The following RGS7BP variants were observed in gnomAD, a reference collection of about 807,000 sequenced individuals.
RGS7BP encodes the protein regulator of G protein signaling 7 binding protein.
A neutral mutation model predicts 31.3 loss-of-function variants in RGS7BP; 9 were observed. That is an observed-to-expected ratio of 0.29 (90% CI 0.17 to 0.50). The LOEUF is 0.50. RGS7BP is among the 20% of genes least tolerant of loss of function. The probability of loss-of-function intolerance (pLI) is 0.98; values close to 1 mark genes in which losing one functional copy is unlikely to be tolerated. For missense variants in RGS7BP, 274 were observed against 322.0 expected (o/e 0.85, Z 1.14); for synonymous variants, 115 against 120.1 (o/e 0.96, Z 0.28).
intron 2 of RGS7BP, among the ~76,000 whole-genome samples, chr5:64,561,745 G>T (rs1751744428): frequency 6.6e-6 from 1 of 152,080 alleles, no homozygotes; most frequent in Admixed American, 6.5e-5. Context: ...CTCACTAAAT[G>T]ATCTTACATA....
At chr5:64,519,602 T>A (rs1219555731) in intron 2 of RGS7BP, among the ~76,000 whole-genome samples, 2 of 152,200 alleles carry the variant, frequency 1.3e-5, no homozygotes, top group Admixed American at 1.3e-4. Flanking sequence ...CATAGCCTCC[T>A]GCCATAGGTA....
chr5:64,552,828 C>G (rs1741827317), intron 2 of RGS7BP, among the ~76,000 whole-genome samples: 1 of 152,208 alleles, frequency 6.6e-6, no homozygotes, highest in Admixed American at 6.5e-5. Context: ...CCTCCTGCCT[C>G]AGCCTCCCAA....
At chr5:64,563,737 C>T (rs1260185668) in intron 2 of RGS7BP, among the ~76,000 whole-genome samples, 2 of 152,084 alleles carry the variant, frequency 1.3e-5, no homozygotes, top group African/African-American at 2.4e-5. Flanking sequence ...GTCATGGCAG[C>T]CCTAGCAAGC....
intron 2 of RGS7BP, among the ~76,000 whole-genome samples, chr5:64,534,306 G>A (rs1385185646): frequency 6.6e-6 from 1 of 152,150 alleles, no homozygotes; most frequent in African/African-American, 2.4e-5. Context: ...GAAGGAGTTA[G>A]CAACCAGCCT....
intron 2 of RGS7BP, among the ~76,000 whole-genome samples, chr5:64,514,623 A>C (rs1748923435): frequency 6.6e-6 from 1 of 152,184 alleles, no homozygotes; most frequent in Non-Finnish European, 1.5e-5. Flanking sequence ...ACTTTTCTTT[A>C]ATCAATTTAA....
chr5:64,571,408 A>G (rs1056214210), intron 2 of RGS7BP, among the ~76,000 whole-genome samples: 3 of 152,156 alleles, frequency 2.0e-5, no homozygotes, highest in Non-Finnish European at 4.4e-5. Context: ...ATTTGTGAAT[A>G]TGTTTTTATT....
chr5:64,600,410 T>A (rs1318332733), intron 5 of RGS7BP, among the ~76,000 whole-genome samples: 2 of 152,220 alleles, frequency 1.3e-5, no homozygotes, highest in Non-Finnish European at 2.9e-5. Flanking sequence ...TTTTATTTGG[T>A]CATTTATAAT....
chr5:64,568,821 T>C (rs1416880781), intron 2 of RGS7BP, among the ~76,000 whole-genome samples: 3 of 151,160 alleles, frequency 2.0e-5, no homozygotes, highest in Non-Finnish European at 2.9e-5. Context: ...TTAAATATAG[T>C]TTTTACTTTT....
rs57191053 is a variant in RGS7BP at position 64,524,377 on chromosome 5, A to C, written c.332+16500A>C. 4.5e-3 allele frequency among the ~76,000 whole-genome samples: 692 copies of C among 152,284 alleles called. 10 individuals are homozygous for C. Among genetic ancestry groups the C allele is most frequent in the African/African-American group, 0.015 (643 of 41,540 alleles). The stretch of plus-strand genomic sequence containing the variant: ...TAAAGTAGTCAAGTGAAAGGGAACT[A>C]AGGTGAAGGAGATTAGGGATCAAGA... On this transcript the variant is annotated intron_variant, in intron 2 of 5. Transcript: ENST00000334025.
At position 64,515,711 on chromosome 5, in the gene RGS7BP, T is replaced by TACACACACAC. The variant is rs140297030; in HGVS notation, c.332+7848_332+7857dup. ...ACATTTAATTACTTGCCTATATGCATACACACACACACACACACACACATA... is the reference window on the plus strand; with the variant it reads ...ACATTTAATTACTTGCCTATATGCATACACACACACACACACACACACACACACACACATA... On this transcript the variant is annotated intron_variant, in intron 2 of 5. Coordinates refer to ENST00000334025, the MANE Select transcript of RGS7BP (RefSeq NM_001029875.3). Among the ~76,000 whole-genome samples, 468 of 148,726 alleles carry TACACACACAC rather than the reference T, an allele frequency of 3.1e-3. No homozygotes were observed. In the Middle Eastern group the frequency reaches 0.067, roughly 21 times the overall value.
chr5:64,592,196 G>C (rs1372204287), intron 3 of RGS7BP, among the ~76,000 whole-genome samples: 1 of 152,084 alleles, frequency 6.6e-6, no homozygotes, highest in Non-Finnish European at 1.5e-5. Flanking sequence ...GATCTTTTCT[G>C]TCTTTTAAGA....
At chr5:64,591,858 T>G (rs1742927132) in intron 3 of RGS7BP, among the ~76,000 whole-genome samples, 1 of 152,166 alleles carries the variant, frequency 6.6e-6, no homozygotes. Context: ...GATACTACTG[T>G]GTGTAAGCCT....
At chr5:64,559,488 ATGTTGGGG>A (rs1456790892) in intron 2 of RGS7BP, among the ~76,000 whole-genome samples, 2 of 152,026 alleles carry the variant, frequency 1.3e-5, no homozygotes, top group Non-Finnish European at 2.9e-5. Flanking sequence ...TTTCCTTTGG[ATGTTGGGG>A]TGCTAGGTGC....
intron 2 of RGS7BP, among the ~76,000 whole-genome samples, chr5:64,513,913 G>A (rs758777124): frequency 1.4e-4 from 22 of 152,200 alleles, no homozygotes; most frequent in Non-Finnish European, 2.5e-4. Flanking sequence ...TGCTAAGGCC[G>A]CCATAACAAA....
chr5:64,566,575 TGCATG>T (rs1378130687), intron 2 of RGS7BP, among the ~76,000 whole-genome samples: 2 of 152,126 alleles, frequency 1.3e-5, no homozygotes, highest in African/African-American at 4.8e-5. Context: ...GTTCATACGT[TGCATG>T]TCTCATTAGC....
chr5:64,521,591 A>G (rs1749110413), intron 2 of RGS7BP, among the ~76,000 whole-genome samples: 1 of 152,068 alleles, frequency 6.6e-6, no homozygotes, highest in Admixed American at 6.5e-5. Flanking sequence ...GTAAACAGAT[A>G]TTTTCTGATT....
At chr5:64,535,021 G>T (rs1313510015) in intron 2 of RGS7BP, among the ~76,000 whole-genome samples, 5 of 152,156 alleles carry the variant, frequency 3.3e-5, no homozygotes, top group African/African-American at 7.2e-5. Context: ...CAGATGGAAG[G>T]TGAGACAGTT....
intron 2 of RGS7BP, among the ~76,000 whole-genome samples, chr5:64,558,241 G>GA (rs1741972244): frequency 6.6e-6 from 1 of 152,118 alleles, no homozygotes; most frequent in African/African-American, 2.4e-5. Context: ...TGTTGTCTTG[G>GA]AATGTGGTTT....
chr5:64,555,089 C>G (rs1389527037), intron 2 of RGS7BP, among the ~76,000 whole-genome samples: 2 of 151,782 alleles, frequency 1.3e-5, no homozygotes, highest in Non-Finnish European at 2.9e-5. Flanking sequence ...AGTTTCAGAA[C>G]AGGAAAATAG....
Sources: gnomAD v4.1 joint callset for allele counts (sites outside exome capture counted in the v4.1 genomes callset) on GRCh38, gnomAD v4.1.1 for gene constraint, MANE v1.5 for transcripts, NCBI Gene and HGNC (gene_info 2026-07-23, HGNC 2026-07-21) for gene names.